RORA: variants seen among roughly 807,000 people sequenced by gnomAD.
The protein encoded by RORA is nuclear receptor ROR-alpha.
In RORA, 7 loss-of-function variants were observed where a neutral mutation model predicts 69.5. That is an observed-to-expected ratio of 0.10 (90% CI 0.06 to 0.19). The LOEUF (loss-of-function observed/expected upper bound fraction) is 0.19, where lower values mean the gene tolerates loss of function less well. RORA is among the 10% of genes least tolerant of loss of function. The pLI, the probability that RORA is intolerant of heterozygous loss-of-function variation, is 1.00. For synonymous variants in RORA, 261 were observed against 240.8 expected (o/e 1.08, Z -0.78); for missense variants, 457 against 663.0 (o/e 0.69, Z 3.41).
chr15:60,607,250 C>T (rs1246331720), intron 2 of RORA, among the ~76,000 whole-genome samples: 1 of 152,120 alleles, frequency 6.6e-6, no homozygotes, highest in Non-Finnish European at 1.5e-5. Flanking sequence ...ACTGTACACA[C>T]CATAATAATT....
At chr15:61,119,107 T>C (rs1478475121) in intron 1 of RORA, among the ~76,000 whole-genome samples, 1 of 146,696 alleles carries the variant, frequency 6.8e-6, no homozygotes, top group Non-Finnish European at 1.5e-5. Context: ...CATGGAGCAG[T>C]CGTGTGAGCC....
At chr15:61,212,212 C>T (rs1596075877) in intron 1 of RORA, among the ~76,000 whole-genome samples, 1 of 151,368 alleles carries the variant, frequency 6.6e-6, no homozygotes, top group Non-Finnish European at 1.5e-5. Context: ...AGAGACAGGA[C>T]AACTCAATGC....
chr15:60,899,999 T>A (rs564374119), intron 1 of RORA, among the ~76,000 whole-genome samples: 1 of 152,210 alleles, frequency 6.6e-6, no homozygotes, highest in Non-Finnish European at 1.5e-5. Context: ...TTTTAGTTGT[T>A]CCTAAAAAGA....
At chr15:60,602,642 A>G (rs2068845973) in intron 2 of RORA, among the ~76,000 whole-genome samples, 1 of 152,210 alleles carries the variant, frequency 6.6e-6, no homozygotes, top group African/African-American at 2.4e-5. Flanking sequence ...ATTTTACACT[A>G]ACAGTATTTT....
intron 1 of RORA, among the ~76,000 whole-genome samples, chr15:61,025,531 T>C (rs995612557): frequency 6.6e-6 from 1 of 152,180 alleles, no homozygotes; most frequent in African/African-American, 2.4e-5. Context: ...AAAATGCGAC[T>C]CAGACAGTCT....
chr15:60,578,192 C>G (rs1002971559), intron 2 of RORA, among the ~76,000 whole-genome samples: 1 of 152,102 alleles, frequency 6.6e-6, no homozygotes, highest in Non-Finnish European at 1.5e-5. Context: ...GATCATTTAC[C>G]TACATATATT....
At chr15:60,674,298 A>G (rs575390519) in intron 2 of RORA, among the ~76,000 whole-genome samples, 6 of 152,138 alleles carry the variant, frequency 3.9e-5, no homozygotes, top group East Asian at 1.9e-4. Flanking sequence ...CAAGGATAGG[A>G]AAAAAAATGA....
intron 1 of RORA, among the ~76,000 whole-genome samples, chr15:60,825,592 A>T (rs2072945344): frequency 6.6e-6 from 1 of 152,156 alleles, no homozygotes; most frequent in Non-Finnish European, 1.5e-5. Context: ...AGCACCAAGT[A>T]GGCCTGCTTC....
In RORA at chr15:61,003,075, C is replaced by T. The variant is rs370339506; in HGVS notation, c.166+225978G>A. The stretch of plus-strand genomic sequence containing the variant: ...AGGAGAATGGTGTGAACCTGGGAGG[C>T]GGAAGTTGCAGTGAGCCGAGATGGT... On this transcript the variant is annotated intron_variant, in intron 1 of 10. Coordinates refer to ENST00000335670, the MANE Select transcript of RORA (RefSeq NM_134261.3). Among the ~76,000 whole-genome samples the T allele has an allele frequency of 4.8e-5, 7 of 146,206 alleles. No homozygotes were observed. In the East Asian group the frequency reaches 9.9e-4, roughly 21 times the overall value.
At chr15:60,883,267 A>G (rs1041308701) in intron 1 of RORA, among the ~76,000 whole-genome samples, 26 of 152,162 alleles carry the variant, frequency 1.7e-4, no homozygotes, top group African/African-American at 6.3e-4. Flanking sequence ...GAACAGCATT[A>G]CGAATCATAG....
intron 2 of RORA, among the ~76,000 whole-genome samples, chr15:60,620,655 CAGG>C (rs1179627592): frequency 1.3e-5 from 2 of 152,188 alleles, no homozygotes; most frequent in Non-Finnish European, 2.9e-5. Context: ...CAGTATCTTC[CAGG>C]AGAAGTGTTT....
chr15:61,149,897 C>A (rs907706635), intron 1 of RORA, among the ~76,000 whole-genome samples: 65 of 152,168 alleles, frequency 4.3e-4, no homozygotes, highest in African/African-American at 1.2e-3. Flanking sequence ...AAGGAAAGAA[C>A]AGATATCGGA....
In RORA at chr15:61,065,241, G is replaced by T. The variant is rs750626167; in HGVS notation, c.166+163812C>A. On this transcript the variant is annotated intron_variant, in intron 1 of 10. Coordinates refer to ENST00000335670, the MANE Select transcript of RORA (RefSeq NM_134261.3). ...AGTATCAAATGTACTATAACTGTTT[G>T]TAACTGTTTTATTTAGACTACGTGC... is the stretch of plus-strand genomic sequence containing the variant. Among the ~76,000 whole-genome samples, 6 of 152,176 alleles carry T rather than the reference G, an allele frequency of 3.9e-5. No individual in the cohort carries two copies. The South Asian group carries it at 1.2e-3, about 31-fold the overall frequency.
At chr15:60,587,343 C>T (rs2068364421) in intron 2 of RORA, among the ~76,000 whole-genome samples, 1 of 152,174 alleles carries the variant, frequency 6.6e-6, no homozygotes, top group Non-Finnish European at 1.5e-5. Flanking sequence ...CAAAGCATTA[C>T]ATAATTGGAT....
chr15:61,187,632 C>T (rs1039254009), intron 1 of RORA, among the ~76,000 whole-genome samples: 2 of 152,182 alleles, frequency 1.3e-5, no homozygotes, highest in African/African-American at 4.8e-5. Flanking sequence ...CACTGTCAAC[C>T]AGTTTTTTAT....
intron 1 of RORA, among the ~76,000 whole-genome samples, chr15:60,944,693 C>G (rs1892812667): frequency 9.4e-6 from 1 of 106,772 alleles, no homozygotes; most frequent in African/African-American, 3.7e-5. Flanking sequence ...CCACTGTACT[C>G]CAAAAAAAAA....
At chr15:60,574,142 C>A (rs369352147) in intron 2 of RORA, among the ~76,000 whole-genome samples, 1 of 152,320 alleles carries the variant, frequency 6.6e-6, no homozygotes. Flanking sequence ...TAGCCCAGCC[C>A]TGCGAGTCTG....
chr15:61,174,846 C>T (rs946049374), intron 1 of RORA, among the ~76,000 whole-genome samples: 3 of 152,156 alleles, frequency 2.0e-5, no homozygotes, highest in Admixed American at 6.5e-5. Flanking sequence ...ATATCTGACC[C>T]GCATAATGGC....
chr15:60,692,156 C>T (rs1401675581), intron 1 of RORA, among the ~76,000 whole-genome samples: 2 of 152,190 alleles, frequency 1.3e-5, no homozygotes, highest in Admixed American at 1.3e-4. Context: ...ATGCCATTCC[C>T]ATTGAATTAA....
Sources: gnomAD v4.1 joint callset for allele counts (sites outside exome capture counted in the v4.1 genomes callset) on GRCh38, gnomAD v4.1.1 for gene constraint, MANE v1.5 for transcripts, NCBI Gene and HGNC (gene_info 2026-07-23, HGNC 2026-07-21) for gene names.